DUS3L: variants seen among roughly 807,000 people sequenced by gnomAD.
DUS3L encodes dihydrouridine synthase 3 like, also known as tRNA-dihydrouridine(47) synthase [NAD(P)(+)]-like.
Under a neutral mutation model 74.6 loss-of-function variants are expected in DUS3L, and 62 were observed. The ratio of observed to expected loss-of-function variants is 0.83; its 90% CI spans 0.68 to 1.03. The LOEUF is 1.03. Among genes scored for constraint, DUS3L ranks in the 50% least tolerant of loss-of-function variants. The pLI is 0.00. For synonymous variants in DUS3L, 433 were observed against 395.7 expected, an observed-to-expected ratio of 1.09 and a Z score of -1.12; for missense variants, 884 against 924.4, an observed-to-expected ratio of 0.96 and a Z score of 0.57.
At chr19:5,788,493 T>C in intron 3 of DUS3L, 95 bp from the exon 4 acceptor site, 1 of 1,429,362 alleles carries the variant, frequency 7.0e-7, no homozygotes, top group Non-Finnish European at 9.6e-7. Flanking sequence ...TAGGACACAC[T>C]TGGCCCAAAT....
At chr19:5,786,954 G>A (rs1239787645) in intron 8 of DUS3L, 107 bp downstream of exon 8, 6 of 1,490,694 alleles carry the variant, frequency 4.0e-6, no homozygotes, top group Admixed American at 2.1e-5. Context: ...GGCGGAGACA[G>A]AGGGAGGTGT....
At chr19:5,790,955 G>A (rs903784658) in intron 1 of DUS3L, 89 bp downstream of exon 1, 9 of 1,309,416 alleles carry the variant, frequency 6.9e-6, no homozygotes, top group African/African-American at 2.9e-5. Flanking sequence ...GCCCTCAGCC[G>A]CTGCCTAATC....
At chr19:5,787,544 C>T (rs1599619859) in intron 6 of DUS3L, 45 bp downstream of exon 6, 5 of 1,601,376 alleles carry the variant, frequency 3.1e-6, no homozygotes, top group Non-Finnish European at 4.3e-6. Flanking sequence ...GTCAGTGCCT[C>T]CCTGCCCAGA....
intron 9 of DUS3L, 98 bp from the exon 10 acceptor site, chr19:5,786,640 C>T: frequency 1.3e-6 from 2 of 1,569,800 alleles, no homozygotes; most frequent in Non-Finnish European, 1.7e-6. Context: ...GACCCAGTGG[C>T]TCCCATCAGG....
chr19:5,789,585 GC>G lies in DUS3L; in HGVS notation c.521del (p.Gly174AlafsTer2). On this transcript the variant is annotated frameshift_variant, in exon 3 of 13. Transcript: ENST00000309061. LOFTEE classifies it high-confidence loss of function. ...LFETFGRCPY[G>X]VTCRFAGAHL... ...GGGCCCCAGCGAAGCGGCAGGTCAC[GC>G]CGTAGGGGCACCGGCCGAAGGTCTC... The G allele has an allele frequency of 6.3e-7, 1 of 1,583,598 alleles. No individual in the cohort carries two copies. The highest frequency in any genetic ancestry group is 8.6e-7 in the Non-Finnish European group (1 of 1,168,172).
At chr19:5,787,391 C>G (rs756371314) in intron 6 of DUS3L, 30 bp from the exon 7 acceptor site, 1 of 1,608,932 alleles carries the variant, frequency 6.2e-7, no homozygotes, top group Non-Finnish European at 8.5e-7. Context: ...GGAGGGAGGG[C>G]AGGACGTGGG....
In DUS3L at chr19:5,791,143, G is replaced by A. The variant is rs149068354; in HGVS notation, c.-2C>T. The A allele has an allele frequency of 2.7e-4, 430 of 1,603,346 alleles. No individual in the cohort carries two copies. The African/African-American group carries it at 4.1e-3, about 15-fold the overall frequency. ...AGCCTCCGCCGTTCCCTCCGCCATC[G>A]GCGCCCCTCACATCCGCTCTGGAGT... On this transcript the variant is annotated 5_prime_UTR_variant, in exon 1 of 13. Coordinates refer to ENST00000309061, the MANE Select transcript of DUS3L (RefSeq NM_020175.3).
At chr19:5,790,834 C>A (rs1462424792) in intron 1 of DUS3L, 2 of 607,256 alleles carry the variant, frequency 3.3e-6, no homozygotes, top group Admixed American at 2.9e-5. Context: ...CTAGCATGCA[C>A]GTGGTGTCCT....
rs150460294 is a variant in DUS3L, at chr19:5,787,014, C to T, written c.1389+47G>A. 3.9e-4 allele frequency: 584 copies of T among 1,501,298 alleles called. 5 individuals are homozygous for T. In the African/African-American group the frequency reaches 6.4e-3, roughly 16 times the overall value. 93.0% of individuals were successfully genotyped at this position (1,501,298 alleles called of 1,614,324 possible). A position where few individuals can be genotyped will look rare whatever the true frequency, so the allele number is the denominator to read the frequency against. ...GGAGAGGAGCCATTAGGAAGGGACGCGGGGTCGACCGCGAGGCCCCAATGC... is the reference window on the plus strand; with the variant it reads ...GGAGAGGAGCCATTAGGAAGGGACGTGGGGTCGACCGCGAGGCCCCAATGC... On this transcript the variant is annotated intron_variant, in intron 8 of 12. Coordinates refer to ENST00000309061, the MANE Select transcript of DUS3L (RefSeq NM_020175.3).
At chr19:5,789,042 TG>T in intron 3 of DUS3L, 164 bp downstream of exon 3, 1 of 931,024 alleles carries the variant, frequency 1.1e-6, no homozygotes, top group Non-Finnish European at 1.4e-6. Flanking sequence ...TCCTGAGGGC[TG>T]GGCCCAGGAC....
At chr19:5,787,202 A>ACACTCGGAGACGG (rs1300479628) in intron 7 of DUS3L, 31 bp from the exon 8 acceptor site, 9 of 759,766 alleles carry the variant, frequency 1.2e-5, no homozygotes, top group Admixed American at 6.3e-5. Context: ...GTGGTGGGAG[A>ACACTCGGAGACGG]TGGTGGGAGG....
intron 1 of DUS3L, 45 bp from the exon 2 acceptor site, chr19:5,790,380 A>G (rs750396308): frequency 6.8e-6 from 11 of 1,608,972 alleles, no homozygotes; most frequent in Non-Finnish European, 1.7e-6. Context: ...CATAGTCAAT[A>G]AACACTGGGG....
At position 5,788,157 on chromosome 19, in the gene DUS3L, C is replaced by T. The variant is rs955321867; in HGVS notation, c.962G>A (p.Arg321Gln). ...PLTTCGNLPFRRICKRFGADV... is the reference protein window; with the variant it reads ...PLTTCGNLPFQRICKRFGADV... ...CGCCCCGAAGCGCTTGCAGATCCGT[C>T]GGAAGGGCAGGTTCCCACACTGCGG... Residue 321 changes from arginine to glutamine, a missense_variant, in exon 5 of 13, where the codon CGA becomes CAA. Physicochemically the swap from Arg to Gln is conservative, Grantham distance 43. Coordinates refer to ENST00000309061, the MANE Select transcript of DUS3L (RefSeq NM_020175.3). 13 of 1,613,370 alleles carry T rather than the reference C, an allele frequency of 8.1e-6. No homozygotes were observed. The highest frequency in any genetic ancestry group is 2.7e-5 in the African/African-American group (2 of 74,932).
At chr19:5,786,079 G>C in intron 10 of DUS3L, 1 of 490,420 alleles carries the variant, frequency 2.0e-6, no homozygotes, top group Non-Finnish European at 3.6e-6. Flanking sequence ...AGCCTCCCTA[G>C]TAGTTGGGAT....
rs145098462 is a variant in DUS3L, at chr19:5,787,133, G to T, written c.1317C>A (p.Gly439=). 2 of 975,760 alleles carry T rather than the reference G, an allele frequency of 2.0e-6. No homozygotes were observed. The highest frequency in any genetic ancestry group is 1.4e-4 in the East Asian group (1 of 7,194). The allele number at this position is 975,760 out of a possible 1,614,324, so 60.4% of individuals were successfully genotyped here. ...DVPLTVKIRT[G]VQERVNLAHR... is the part of the protein sequence containing the mutation. ...GCGCCAGGTTCACACGCTCCTGGAC[G>T]CCTGTGCGGATCTTCACAGTCAGCG... is the stretch of plus-strand genomic sequence containing the variant. Residue 439 remains glycine, a synonymous_variant, in exon 8 of 13, where the codon GGC becomes GGA. Transcript: ENST00000309061.
chr19:5,791,133 C>T lies in DUS3L; in HGVS notation c.9G>A (p.Glu3=), dbSNP rs1387888932. 5.0e-6 allele frequency: 8 copies of T among 1,605,624 alleles called. No homozygotes were observed. Among genetic ancestry groups the T allele is most frequent in the Non-Finnish European group, 6.8e-6 (8 of 1,176,542 alleles). Residue 3 remains glutamate, a synonymous_variant, in exon 1 of 13, where the codon GAG becomes GAA. Coordinates refer to ENST00000309061, the MANE Select transcript of DUS3L (RefSeq NM_020175.3). ...TCTCTAGAGGAGCCTCCGCCGTTCC[C>T]TCCGCCATCGGCGCCCCTCACATCC... MA[E]GTAEAPLENG... is the part of the protein sequence containing the mutation.
rs749694814 is a variant in DUS3L at position 5,788,180 on chromosome 19, C to CG, written c.943-5dup. ...GTCGGAAGGGCAGGTTCCCACACTG[C>CG]GGGGGGAGCAGGACAGACACACATG... On this transcript the variant is annotated splice_polypyrimidine_tract_variant and splice_region_variant and intron_variant, in intron 4 of 12. Coordinates refer to ENST00000309061, the MANE Select transcript of DUS3L (RefSeq NM_020175.3). 5 of 1,613,192 alleles carry CG rather than the reference C, an allele frequency of 3.1e-6. No homozygotes were observed. The highest frequency in any genetic ancestry group is 1.7e-5 in the Admixed American group (1 of 60,018).
At chr19:5,790,382 A>T (rs1346986827) in intron 1 of DUS3L, 47 bp from the exon 2 acceptor site, 1 of 1,606,938 alleles carries the variant, frequency 6.2e-7, no homozygotes, top group East Asian at 2.2e-5. Context: ...TAGTCAATAA[A>T]CACTGGGGAA....
At chr19:5,789,816 G>C (rs1226051937) in intron 2 of DUS3L, 97 bp from the exon 3 acceptor site, 2 of 1,480,040 alleles carry the variant, frequency 1.4e-6, no homozygotes, top group Non-Finnish European at 1.8e-6. Context: ...CCTGGCTCTT[G>C]TGTCCCTGAG....
Sources: gnomAD v4.1 joint callset for allele counts on GRCh38, gnomAD v4.1.1 for gene constraint, MANE v1.5 for transcripts, NCBI Gene and HGNC (gene_info 2026-07-23, HGNC 2026-07-21) for gene names.